KDM4B: variants seen among roughly 807,000 people sequenced by gnomAD.
KDM4B encodes the protein lysine-specific demethylase 4B.
Under a neutral mutation model 125.2 loss-of-function variants are expected in KDM4B, and 32 were observed. That is an observed-to-expected ratio of 0.26 (90% CI 0.19 to 0.34). KDM4B has a LOEUF of 0.34. KDM4B is among the 10% of genes least tolerant of loss of function. The pLI is 1.00. For synonymous variants in KDM4B, 721 were observed against 677.9 expected, an observed-to-expected ratio of 1.06 and a Z score of -0.99; for missense variants, 1,190 against 1,577.7, an observed-to-expected ratio of 0.75 and a Z score of 4.16.
chr19:5,055,881 TA>T (rs1466038901), intron 6 of KDM4B, among the ~76,000 whole-genome samples: 10 of 152,296 alleles, frequency 6.6e-5, no homozygotes, highest in African/African-American at 2.4e-4. Context: ...GGTTCCCTGT[TA>T]TGAGCATTCT....
intron 9 of KDM4B, among the ~76,000 whole-genome samples, chr19:5,084,559 TTA>T (rs1418056546): frequency 7.8e-6 from 1 of 127,962 alleles, no homozygotes; most frequent in Non-Finnish European, 1.6e-5. Context: ...AATATATAAA[TTA>T]TATAAATTAT....
At position 5,152,113 on chromosome 19, in the gene KDM4B, G is replaced by GGT; in HGVS notation, c.*603_*604insTG. On this transcript the variant is annotated 3_prime_UTR_variant, in exon 23 of 23. Coordinates refer to ENST00000159111, the MANE Select transcript of KDM4B (RefSeq NM_015015.3). The stretch of plus-strand genomic sequence containing the variant: ...CGGTAATTGGAGGGTGAGCCTCGGG[G>GGT]GGGGGGCAGGACGCCCCGGTTTCGG... The GGT allele has an allele frequency of 7.7e-6, 1 of 129,394 alleles. No individual in the cohort carries two copies. Among genetic ancestry groups the GGT allele is most frequent in the South Asian group, 2.3e-4 (1 of 4,428 alleles). The allele number at this position is 129,394 out of a possible 1,614,324, so 8.0% of individuals were successfully genotyped here.
At chr19:5,011,978 CAG>C (rs2035742306) in intron 1 of KDM4B, among the ~76,000 whole-genome samples, 1 of 152,234 alleles carries the variant, frequency 6.6e-6, no homozygotes, top group African/African-American at 2.4e-5. Context: ...AGGCTGCCCT[CAG>C]GGTCAGCACG....
At chr19:5,147,473 CG>C (rs1051011173) in intron 21 of KDM4B, among the ~76,000 whole-genome samples, 7 of 152,056 alleles carry the variant, frequency 4.6e-5, no homozygotes, top group Admixed American at 1.3e-4. Context: ...CAGCCAGGCG[CG>C]GGGGCTCATG....
chr19:5,135,294 C>T (rs1353320370), intron 14 of KDM4B, 45 bp from the exon 15 acceptor site: 12 of 1,403,524 alleles, frequency 8.5e-6, no homozygotes, highest in Non-Finnish European at 1.2e-5. Flanking sequence ...CGCCCGCCTG[C>T]CCCACACATG....
intron 1 of KDM4B, among the ~76,000 whole-genome samples, chr19:4,979,335 C>T (rs1453755435): frequency 1.3e-5 from 2 of 152,206 alleles, no homozygotes; most frequent in African/African-American, 2.4e-5. Context: ...TGCAGTGCGC[C>T]GGGAGGCTTC....
At chr19:5,053,690 C>T (rs951398002) in intron 6 of KDM4B, among the ~76,000 whole-genome samples, 16 of 152,222 alleles carry the variant, frequency 1.1e-4, no homozygotes, top group African/African-American at 3.4e-4. Context: ...GAGGGGTGTC[C>T]CCTCTCTGCA....
At chr19:5,072,440 G>A (rs1218237309) in intron 7 of KDM4B, among the ~76,000 whole-genome samples, 1 of 152,082 alleles carries the variant, frequency 6.6e-6, no homozygotes, top group Non-Finnish European at 1.5e-5. Context: ...CGTTTCTATT[G>A]GAAACCTGGA....
chr19:4,986,335 G>A (rs572672648), intron 1 of KDM4B, among the ~76,000 whole-genome samples: 17 of 152,356 alleles, frequency 1.1e-4, no homozygotes, highest in African/African-American at 3.8e-4. Flanking sequence ...CAGTGTCTCC[G>A]TGTGCCTCCC....
intron 9 of KDM4B, among the ~76,000 whole-genome samples, chr19:5,086,995 G>A (rs571731339): frequency 3.3e-5 from 5 of 152,368 alleles, no homozygotes; most frequent in South Asian, 2.1e-4. Flanking sequence ...CAGAGCCTCC[G>A]GGTGGAGCTT....
intron 9 of KDM4B, among the ~76,000 whole-genome samples, chr19:5,088,108 A>G (rs2038565351): frequency 6.6e-6 from 1 of 152,078 alleles, no homozygotes. Flanking sequence ...CCTGCCGGAG[A>G]GCAGGAGGGA....
chr19:5,097,495 C>A (rs2038850476), intron 9 of KDM4B, among the ~76,000 whole-genome samples: 1 of 152,240 alleles, frequency 6.6e-6, no homozygotes, highest in Admixed American at 6.5e-5. Flanking sequence ...TCAAGGGATC[C>A]TCCTGCCTTG....
In KDM4B at chr19:5,057,065, T is replaced by TGCGC. The variant is rs1555701525; in HGVS notation, c.626+9406_626+9409dup. On this transcript the variant is annotated intron_variant, in intron 6 of 22. Coordinates refer to ENST00000159111, the MANE Select transcript of KDM4B (RefSeq NM_015015.3). Reference sequence around the variant, plus strand: ...GTGTGTGTGTGTGTGTGTGTGTGTGTGCGCGCGCGCGCGTATGTTAGCAAA... The same window carrying TGCGC: ...GTGTGTGTGTGTGTGTGTGTGTGTGTGCGCGCGCGCGCGCGCGTATGTTAGCAAA... Among the ~76,000 whole-genome samples, 810 of 128,370 alleles carry TGCGC rather than the reference T, an allele frequency of 6.3e-3. 19 individuals carry two copies. Among genetic ancestry groups the TGCGC allele is most frequent in the East Asian group, 0.047 (216 of 4,638 alleles). The allele number at this position is 128,370 out of a possible 152,430, so 84.2% of individuals were successfully genotyped here.
rs564541205 is a variant in KDM4B, at chr19:5,135,488, C to T, written c.2235C>T (p.Ala745=). Residue 745 remains alanine (A), a synonymous_variant, in exon 15 of 23, where the codon GCC becomes GCT. Coordinates refer to ENST00000159111, the MANE Select transcript of KDM4B (RefSeq NM_015015.3). The part of the protein sequence containing the change: ...SGGENTEPLP[A]NSYIGDDGTS... The stretch of plus-strand genomic sequence containing the variant: ...GTGAGAACACGGAGCCGCTGCCTGC[C>T]AACTCCTACATCGGCGACGACGGGA... The T allele has an allele frequency of 2.3e-5, 37 of 1,612,990 alleles. No homozygotes were observed. The South Asian group carries it at 3.7e-4, about 16-fold the overall frequency.
chr19:5,130,961 C>T, intron 11 of KDM4B, 115 bp from the exon 12 acceptor site: 1 of 769,374 alleles, frequency 1.3e-6, no homozygotes, highest in Non-Finnish European at 2.0e-6. Flanking sequence ...TGTGGCCTCT[C>T]TGGGTGGAAG....
At chr19:5,020,008 G>C (rs992687752) in intron 2 of KDM4B, among the ~76,000 whole-genome samples, 1 of 131,290 alleles carries the variant, frequency 7.6e-6, no homozygotes, top group African/African-American at 2.9e-5. Flanking sequence ...GTGCTGCTGT[G>C]GACGGTGTGC....
Position 5,142,518 on chromosome 19 carries a change from G to A in KDM4B, c.2551-1449G>A, listed in dbSNP as rs1044295970. Among the ~76,000 whole-genome samples the A allele has an allele frequency of 6.6e-6, 1 of 152,142 alleles. No individual in the cohort carries two copies. The highest frequency in any genetic ancestry group is 1.5e-5 in the Non-Finnish European group (1 of 68,014). On this transcript the variant is annotated intron_variant, in intron 18 of 22. Transcript: ENST00000159111. This position sits in a 1 kb window ranked among gnomAD's most constrained non-coding sequence, Gnocchi z 5.4. ...TGCCTGCTACCACGAGGCGGAAGGGGATGGTGCTGGGCACCAGCCTGCCCC... is the reference window on the plus strand; with the variant it reads ...TGCCTGCTACCACGAGGCGGAAGGGAATGGTGCTGGGCACCAGCCTGCCCC...
At chr19:5,143,748 C>T (rs545143405) in intron 18 of KDM4B, among the ~76,000 whole-genome samples, 54 of 152,318 alleles carry the variant, frequency 3.5e-4, no homozygotes, top group African/African-American at 1.3e-3. Context: ...GAGGACTCCC[C>T]AGAGGCTGAG....
chr19:5,083,488 G>C (rs1184890416), intron 9 of KDM4B, among the ~76,000 whole-genome samples: 2 of 152,198 alleles, frequency 1.3e-5, no homozygotes, highest in African/African-American at 2.4e-5. Context: ...CTGGCTGCCT[G>C]TCTGGAGCTG....
Sources: gnomAD v4.1 joint callset for allele counts (sites outside exome capture counted in the v4.1 genomes callset) on GRCh38, gnomAD v4.1.1 for gene constraint, Gnocchi (gnomAD v3.1) non-coding constraint, MANE v1.5 for transcripts, NCBI Gene and HGNC (gene_info 2026-07-23, HGNC 2026-07-21) for gene names.